Variants in RBBP8 observed in about 807,000 individuals in gnomAD.
RBBP8 encodes the protein RB binding protein 8, endonuclease, also known as DNA endonuclease RBBP8.
RBBP8 carries 88 observed loss-of-function variants against 108.3 expected under a neutral mutation model. The observed-to-expected ratio is 0.81, with a 90% CI of 0.68 to 0.97. The LOEUF (loss-of-function observed/expected upper bound fraction) is 0.97. RBBP8 is among the 50% of genes least tolerant of loss of function. The pLI, the probability that RBBP8 is intolerant of heterozygous loss-of-function variation, is 0.00. For missense variants in RBBP8, 1,023 were observed against 1,049.0 expected, an observed-to-expected ratio of 0.98 and a Z score of 0.34; for synonymous variants, 332 against 348.2, an observed-to-expected ratio of 0.95 and a Z score of 0.52.
upstream of RBBP8, among the ~76,000 whole-genome samples, chr18:22,933,075 A>T (rs1910139519): frequency 6.6e-6 from 1 of 152,250 alleles, no homozygotes; most frequent in Non-Finnish European, 1.5e-5. Flanking sequence ...TGTACAGATA[A>T]CTTTCACAGA....
At chr18:23,026,102 G>A (rs777919381) in intron 18 of RBBP8, 41 bp from the exon 19 acceptor site, 1 of 1,466,894 alleles carries the variant, frequency 6.8e-7, no homozygotes, top group Non-Finnish European at 9.5e-7. Context: ...AGAAATGCAT[G>A]TTGCACATAC....
chr18:22,959,351 T>C (rs571279402), intron 4 of RBBP8, among the ~76,000 whole-genome samples: 2 of 152,374 alleles, frequency 1.3e-5, no homozygotes, highest in African/African-American at 4.8e-5. Flanking sequence ...TTAATTCTTT[T>C]GTAGGTAACA....
At position 22,936,895 on chromosome 18, in the gene RBBP8, A is replaced by C. The variant is rs1234171235; in HGVS notation, c.44A>C (p.Asp15Ala). Residue 15 changes from aspartate to alanine, a missense_variant, in exon 2 of 19, where the codon GAT becomes GCT. By Grantham distance (126) the Asp-to-Ala change is moderately radical. Coordinates refer to ENST00000327155, the MANE Select transcript of RBBP8 (RefSeq NM_002894.3). ...AGCTGTGGAAGCCCTAACTCTGCAG[A>C]TACATCTAGTGACTTTAAGGACCTT... ...GSSCGSPNSADTSSDFKDLWT... is the reference protein window; with the variant it reads ...GSSCGSPNSAATSSDFKDLWT... 2 of 1,614,208 alleles carry C rather than the reference A, an allele frequency of 1.2e-6. No individual in the cohort carries two copies. The highest frequency in any genetic ancestry group is 2.2e-5 in the South Asian group (2 of 91,088).
intron 6 of RBBP8, among the ~76,000 whole-genome samples, chr18:22,981,801 A>G (rs1023631852): frequency 2.6e-5 from 4 of 152,176 alleles, no homozygotes; most frequent in Non-Finnish European, 4.4e-5. Flanking sequence ...AGATTGTCAC[A>G]TTATATCCAA....
At chr18:23,015,153 C>A (rs1234900614) in intron 16 of RBBP8, among the ~76,000 whole-genome samples, 1 of 152,162 alleles carries the variant, frequency 6.6e-6, no homozygotes, top group Non-Finnish European at 1.5e-5. Context: ...TTGCCCCAGT[C>A]TCCCTAAGTG....
chr18:22,999,767 T>G (rs946117886), intron 14 of RBBP8, among the ~76,000 whole-genome samples: 5 of 152,226 alleles, frequency 3.3e-5, no homozygotes, highest in African/African-American at 1.2e-4. Context: ...AAAATTTTCA[T>G]GCACCTACTC....
intron 2 of RBBP8, among the ~76,000 whole-genome samples, chr18:22,916,523 A>G (rs73396846): frequency 0.075 from 11,357 of 152,118 alleles, 468 homozygotes; most frequent in Middle Eastern, 0.14. Flanking sequence ...TGAATACTAC[A>G]TGAAATCTAA....
chr18:22,915,588 T>A (rs964123248), intron 2 of RBBP8: 2 of 152,130 alleles, frequency 1.3e-5, no homozygotes, highest in African/African-American at 4.8e-5. Context: ...TTTTGACAAG[T>A]TTTTGGTAAT....
chr18:22,934,185 G>GA (rs1293123377), intron 1 of RBBP8: 1 of 152,284 alleles, frequency 6.6e-6, no homozygotes, highest in Non-Finnish European at 1.5e-5. Context: ...CTGAGAGATT[G>GA]AAAAATGTAC....
Position 22,984,575 on chromosome 18 carries a change from C to T in RBBP8, c.605-311C>T, listed in dbSNP as rs1306770919. ...CAGTATACCTTTTTAAATTAACCTG[C>T]TGATTTGTAACAAATATAAAAAGAG... On this transcript the variant is annotated intron_variant, in intron 7 of 18. Coordinates refer to ENST00000327155, the MANE Select transcript of RBBP8 (RefSeq NM_002894.3). Among the ~76,000 whole-genome samples the T allele has an allele frequency of 2.6e-5, 4 of 152,096 alleles. No individual in the cohort carries two copies. The East Asian group carries it at 7.7e-4, about 29-fold the overall frequency.
At chr18:23,008,286 A>C (rs1598738924) in intron 16 of RBBP8, among the ~76,000 whole-genome samples, 2 of 152,168 alleles carry the variant, frequency 1.3e-5, no homozygotes, top group African/African-American at 4.8e-5. Flanking sequence ...TTACTCAGTA[A>C]AGTTACTCCT....
chr18:22,924,224 G>C (rs1286889834), intron 3 of RBBP8, among the ~76,000 whole-genome samples: 2 of 141,510 alleles, frequency 1.4e-5, no homozygotes, highest in South Asian at 4.7e-4. Context: ...TGCCTCCCTG[G>C]TTCAAGCAAT....
At chr18:22,998,706 A>G (rs1034769117) in intron 14 of RBBP8, among the ~76,000 whole-genome samples, 2 of 152,258 alleles carry the variant, frequency 1.3e-5, no homozygotes, top group Non-Finnish European at 2.9e-5. Flanking sequence ...CAGAGCAAAA[A>G]ATAAAATAGT....
intron 3 of RBBP8, among the ~76,000 whole-genome samples, chr18:22,917,997 CA>C (rs5823372): frequency 0.2 from 23,853 of 120,808 alleles, 2,116 homozygotes; most frequent in African/African-American, 0.36. Context: ...GACTCCGTCT[CA>C]AAAAAAAAAA....
intron 16 of RBBP8, among the ~76,000 whole-genome samples, chr18:23,013,599 A>G (rs1199222693): frequency 6.6e-6 from 1 of 152,152 alleles, no homozygotes; most frequent in African/African-American, 2.4e-5. Flanking sequence ...TAACCTCTTG[A>G]CTGATTTGCT....
At position 22,997,601 on chromosome 18, in the gene RBBP8, T is replaced by A; in HGVS notation, c.2029-19T>A. ...AGGAATAATTGTTAAAATTTTTGAT[T>A]TTTAAAATATTTATTTAGGATGGCA... On this transcript the variant is annotated intron_variant, in intron 13 of 18. Coordinates refer to ENST00000327155, the MANE Select transcript of RBBP8 (RefSeq NM_002894.3). 6.7e-7 allele frequency: 1 copy of A among 1,488,172 alleles called. No individual in the cohort carries two copies. Among genetic ancestry groups the A allele is most frequent in the Non-Finnish European group, 9.2e-7 (1 of 1,083,394 alleles). 92.2% of individuals were successfully genotyped at this position (1,488,172 alleles called of 1,614,324 possible). A position where few individuals can be genotyped will look rare whatever the true frequency, so the allele number is the denominator to read the frequency against.
upstream of RBBP8, among the ~76,000 whole-genome samples, chr18:22,932,354 C>A (rs1296166673): frequency 6.6e-6 from 1 of 152,158 alleles, no homozygotes; most frequent in Non-Finnish European, 1.5e-5. Flanking sequence ...AAAATTTCAT[C>A]CATTTTCTTT....
intron 3 of RBBP8, chr18:22,920,892 G>C (rs1397604925): frequency 6.6e-6 from 1 of 152,188 alleles, no homozygotes; most frequent in African/African-American, 2.4e-5. Context: ...GAATGAGCAA[G>C]TGAGTGAATC....
intron 9 of RBBP8, among the ~76,000 whole-genome samples, chr18:22,989,974 CTT>C (rs1362451506): frequency 1.3e-5 from 2 of 152,164 alleles, no homozygotes; most frequent in African/African-American, 4.8e-5. Context: ...CAGCTGTACT[CTT>C]ATTAAGTTGT....
Sources: allele counts gnomAD v4.1 joint callset (sites outside exome capture counted in the v4.1 genomes callset), GRCh38; gene constraint gnomAD v4.1.1; transcripts MANE v1.5; gene names NCBI Gene and HGNC (gene_info 2026-07-23, HGNC 2026-07-21).